WDR25: variants seen among roughly 807,000 people sequenced by gnomAD.
WDR25 encodes WD repeat-containing protein 25.
WDR25 carries 35 observed loss-of-function variants against 47.7 expected under a neutral mutation model. The observed-to-expected ratio is 0.73, with a 90% confidence interval of 0.56 to 0.97. WDR25 has a LOEUF of 0.97. Ranked by LOEUF, WDR25 falls within the 50% of genes least tolerant of loss-of-function variation. The pLI, the probability that WDR25 is intolerant of heterozygous loss-of-function variation, is 0.00. For missense variants in WDR25, 634 were observed against 704.7 expected, an observed-to-expected ratio of 0.90 and a Z score of 1.14; for synonymous variants, 248 against 278.9, an observed-to-expected ratio of 0.89 and a Z score of 1.10.
intron 3 of WDR25, among the ~76,000 whole-genome samples, chr14:100,470,200 G>A (rs1435898454): frequency 6.6e-6 from 1 of 152,184 alleles, no homozygotes; most frequent in Non-Finnish European, 1.5e-5. Context: ...CAAGGACAGA[G>A]CTGACACAGG....
At position 100,499,438 on chromosome 14, in the gene WDR25, A is replaced by T. The variant is rs1419687635; in HGVS notation, c.1101+15314A>T. 6.6e-6 allele frequency among the ~76,000 whole-genome samples: 1 copy of T among 152,232 alleles called. No individual in the cohort carries two copies. Among genetic ancestry groups the T allele is most frequent in the East Asian group, 1.9e-4 (1 of 5,202 alleles). On this transcript the variant is annotated intron_variant, in intron 4 of 6. Transcript: ENST00000402312. The surrounding 1 kb of genome is among the most constrained non-coding windows in gnomAD (Gnocchi z 4.4). ...TCTGCACAATAATTCTTAAACGCAG[A>T]ATTAGTCGAAAGGTAAGCATGGTTT...
chr14:100,383,568 A>G (rs974917251), intron 2 of WDR25, among the ~76,000 whole-genome samples: 1 of 152,242 alleles, frequency 6.6e-6, no homozygotes, highest in Non-Finnish European at 1.5e-5. Context: ...TGAGGGGCAG[A>G]CCTGGGGCCC....
At chr14:100,522,859 C>T (rs755811696) in intron 4 of WDR25, among the ~76,000 whole-genome samples, 11 of 152,236 alleles carry the variant, frequency 7.2e-5, no homozygotes, top group Non-Finnish European at 1.5e-4. Flanking sequence ...GAGGCCCCAC[C>T]CACCTCTGGG....
intron 4 of WDR25, among the ~76,000 whole-genome samples, chr14:100,487,100 T>C (rs1196764587): frequency 6.6e-6 from 1 of 152,222 alleles, no homozygotes; most frequent in Non-Finnish European, 1.5e-5. Context: ...TCTTTGTTAG[T>C]GCAGACCCTC....
In WDR25 at chr14:100,379,713, A is replaced by G. The variant is rs546790304; in HGVS notation, c.-15-1197A>G. 2.7e-5 allele frequency among the ~76,000 whole-genome samples: 4 copies of G among 150,370 alleles called. No individual in the cohort carries two copies. The South Asian group carries it at 8.4e-4, about 32-fold the overall frequency. ...TAGGTCTTCTTTTATGTCCTTCAAT[A>G]AAAGTTTTAGTTTTCTTTCCTTTTT... On this transcript the variant is annotated intron_variant, in intron 1 of 6. Transcript: ENST00000402312.
intron 4 of WDR25, among the ~76,000 whole-genome samples, chr14:100,497,678 T>G (rs1900779383): frequency 6.6e-6 from 1 of 151,958 alleles, no homozygotes; most frequent in Non-Finnish European, 1.5e-5. Flanking sequence ...TGTGCTCCAA[T>G]TTAGCCTCAG....
In WDR25 at chr14:100,448,862, C is replaced by A. The variant is rs59371651; in HGVS notation, c.823-19159C>A. ...TATGGGAGTCAGGAGGGCTTCCTGG[C>A]GGAAGGAGTGTCTCATGGGAGACAG... On this transcript the variant is annotated intron_variant, in intron 2 of 6. Coordinates refer to ENST00000402312, the MANE Select transcript of WDR25 (RefSeq NM_001161476.3). 4.9e-3 allele frequency among the ~76,000 whole-genome samples: 751 copies of A among 151,922 alleles called. 10 individuals are homozygous for A. Among genetic ancestry groups the A allele is most frequent in the African/African-American group, 0.017 (706 of 41,422 alleles).
chr14:100,409,496 C>T (rs753053289), intron 2 of WDR25, among the ~76,000 whole-genome samples: 6 of 147,116 alleles, frequency 4.1e-5, no homozygotes, highest in South Asian at 4.6e-4. Flanking sequence ...CACCTCAGAG[C>T]ACCTGGCACT....
Position 100,440,358 on chromosome 14 carries a change from C to T in WDR25, c.823-27663C>T, listed in dbSNP as rs756458337. On this transcript the variant is annotated intron_variant, in intron 2 of 6. Coordinates refer to ENST00000402312, the MANE Select transcript of WDR25 (RefSeq NM_001161476.3). This position sits in a 1 kb window ranked among gnomAD's most constrained non-coding sequence, Gnocchi z 4.4. ...CCACAGTCAGGGAGCCCTTCGGCCA[C>T]GGCAGCGGGGTGGCGCCAGACACCT... Among the ~76,000 whole-genome samples the T allele has an allele frequency of 3.3e-5, 5 of 152,350 alleles. No individual in the cohort carries two copies. Among genetic ancestry groups the T allele is most frequent in the South Asian group, 2.1e-4 (1 of 4,824 alleles).
chr14:100,409,425 C>G (rs1283388965), intron 2 of WDR25, among the ~76,000 whole-genome samples: 2 of 151,580 alleles, frequency 1.3e-5, no homozygotes, highest in African/African-American at 4.9e-5. Context: ...AGGACCCCCC[C>G]CCACCCATCC....
At chr14:100,484,409 TG>T (rs1380895523) in intron 4 of WDR25, among the ~76,000 whole-genome samples, 1 of 152,130 alleles carries the variant, frequency 6.6e-6, no homozygotes, top group East Asian at 1.9e-4. Flanking sequence ...ATGAATCTGC[TG>T]GGTTACTCAA....
At chr14:100,411,516 T>C (rs1897706500) in intron 2 of WDR25, among the ~76,000 whole-genome samples, 1 of 152,030 alleles carries the variant, frequency 6.6e-6, no homozygotes, top group African/African-American at 2.4e-5. Context: ...CTGTTCCACA[T>C]TGATTTTCAC....
intron 5 of WDR25, among the ~76,000 whole-genome samples, chr14:100,528,501 G>A (rs1311715350): frequency 6.6e-6 from 1 of 150,820 alleles, no homozygotes; most frequent in East Asian, 1.9e-4. Flanking sequence ...GAACTCCTGG[G>A]CTCAAGAGAT....
chr14:100,529,891 C>T lies in WDR25; in HGVS notation c.1485C>T (p.Gly495=). The stretch of plus-strand genomic sequence containing the variant: ...TGCTGGTGACGGGCAGCGCCGATGG[C>T]CGGGTCCTGATGTACAGCTTCCGCA... ...GDLLVTGSAD[G]RVLMYSFRTA... The change falls in exon 7 of 7, where the codon GGC becomes GGT. Residue 495 remains glycine (G), a synonymous_variant. Coordinates refer to ENST00000402312, the MANE Select transcript of WDR25 (RefSeq NM_001161476.3). This position sits in a 1 kb window ranked among gnomAD's most constrained non-coding sequence, Gnocchi z 5.1. 6.2e-7 allele frequency: 1 copy of T among 1,613,304 alleles called. No homozygotes were observed. The highest frequency in any genetic ancestry group is 8.5e-7 in the Non-Finnish European group (1 of 1,180,030).
chr14:100,423,153 G>A (rs898128856), intron 2 of WDR25, among the ~76,000 whole-genome samples: 2 of 152,212 alleles, frequency 1.3e-5, no homozygotes, highest in Non-Finnish European at 2.9e-5. Flanking sequence ...TTCTTGGTAT[G>A]TGTTATTACA....
At chr14:100,442,571 C>T (rs1898703653) in intron 2 of WDR25, among the ~76,000 whole-genome samples, 1 of 152,194 alleles carries the variant, frequency 6.6e-6, no homozygotes, top group African/African-American at 2.4e-5. Flanking sequence ...CCTTGTATCT[C>T]GACCTGTTGC....
rs754761152 is a variant in WDR25, at chr14:100,529,925, C to T, written c.1519C>T (p.Arg507Ter). The T allele has an allele frequency of 8.6e-5, 139 of 1,613,402 alleles. No individual in the cohort carries two copies. Among genetic ancestry groups the T allele is most frequent in the Non-Finnish European group, 1.1e-4 (125 of 1,180,042 alleles). ...GATGTACAGCTTCCGCACAGCCAGC[C>T]GAGCATGCACACTGCAGGGGCACAC... is the stretch of plus-strand genomic sequence containing the variant. ...VLMYSFRTAS[R>*]ACTLQGHTQA... Residue 507 changes from arginine (R) to a stop codon, truncating the protein, a stop_gained, in exon 7 of 7, where the codon CGA (arginine) becomes TGA (stop). Coordinates refer to ENST00000402312, the MANE Select transcript of WDR25 (RefSeq NM_001161476.3). LOFTEE classifies it high-confidence loss of function. The surrounding 1 kb of genome is among the most constrained non-coding windows in gnomAD (Gnocchi z 5.1).
At chr14:100,522,887 C>T (rs1370643721) in intron 4 of WDR25, among the ~76,000 whole-genome samples, 2 of 152,310 alleles carry the variant, frequency 1.3e-5, no homozygotes, top group African/African-American at 2.4e-5. Context: ...GAGGCTGCAG[C>T]GTGGAGCACA....
Position 100,441,475 on chromosome 14 carries a change from G to A in WDR25, c.823-26546G>A, listed in dbSNP as rs3742388. On this transcript the variant is annotated intron_variant, in intron 2 of 6. Transcript: ENST00000402312. ...AGGTCTTACCTCTGGAGCTCTCCAG[G>A]CAGATGCTGGAAGTGGCAGTGCCCA... is the stretch of plus-strand genomic sequence containing the variant. 3.2e-4 allele frequency among the ~76,000 whole-genome samples: 49 copies of A among 152,238 alleles called. 1 individual carries two copies. The East Asian group carries it at 7.7e-3, about 24-fold the overall frequency.
Sources: gnomAD v4.1 joint callset for allele counts (sites outside exome capture counted in the v4.1 genomes callset) on GRCh38, gnomAD v4.1.1 for gene constraint, Gnocchi (gnomAD v3.1) non-coding constraint, MANE v1.5 for transcripts, NCBI Gene and HGNC (gene_info 2026-07-23, HGNC 2026-07-21) for gene names.